Variants in MYBL2 observed in about 807,000 individuals in gnomAD.
MYBL2 encodes the protein myb-related protein B.
A neutral mutation model predicts 79.9 loss-of-function variants in MYBL2; 28 were observed. The ratio of observed to expected loss-of-function variants is 0.35; its 90% CI spans 0.26 to 0.48. The LOEUF (loss-of-function observed/expected upper bound fraction) is 0.48, where lower values mean the gene tolerates loss of function less well. MYBL2 is among the 20% of genes least tolerant of loss of function. The pLI is 0.99. For synonymous variants in MYBL2, 378 were observed against 361.2 expected (o/e 1.05, Z -0.53); for missense variants, 735 against 893.9 (o/e 0.82, Z 2.27).
intron 5 of MYBL2, among the ~76,000 whole-genome samples, chr20:43,687,849 C>T (rs1317386976): frequency 7.2e-5 from 11 of 151,820 alleles, no homozygotes. Flanking sequence ...AGCCTCATCT[C>T]TACTAAAAAT....
At chr20:43,709,934 AC>A (rs776885674) in intron 9 of MYBL2, 28 bp from the exon 10 acceptor site, 11 of 1,560,038 alleles carry the variant, frequency 7.1e-6, no homozygotes, top group Non-Finnish European at 9.6e-6. Context: ...CTATCCTGTC[AC>A]TAGTTCCCCC....
At position 43,683,550 on chromosome 20, in the gene MYBL2, C is replaced by CCTTTTTTTTTTTTTTTTTTT. The variant is rs764273305; in HGVS notation, c.279+664_279+665insCTTTTTTTTTTTTTTTTTTT. Among the ~76,000 whole-genome samples, 5 of 126,446 alleles carry CCTTTTTTTTTTTTTTTTTTT rather than the reference C, an allele frequency of 4.0e-5. 2 individuals are homozygous for CCTTTTTTTTTTTTTTTTTTT. Among genetic ancestry groups the CCTTTTTTTTTTTTTTTTTTT allele is most frequent in the Non-Finnish European group, 3.3e-5 (2 of 59,780 alleles). The allele number at this position is 126,446 out of a possible 152,430, so 83.0% of individuals were successfully genotyped here. The stretch of plus-strand genomic sequence containing the variant: ...AAAGAGGGAGATGAAGGGAACTAGG[C>CCTTTTTTTTTTTTTTTTTTT]ATTTTTTTTTTTTTTTTTTTTGAGA... On this transcript the variant is annotated intron_variant, in intron 4 of 13. Transcript: ENST00000217026.
At chr20:43,715,374 C>T in intron 13 of MYBL2, 91 bp downstream of exon 13, 1 of 1,573,136 alleles carries the variant, frequency 6.4e-7, no homozygotes, top group Non-Finnish European at 8.6e-7. Flanking sequence ...TCCTGCAGTG[C>T]CCGCCTTCTT....
chr20:43,685,030 C>G (rs182955655), intron 4 of MYBL2, among the ~76,000 whole-genome samples: 1 of 150,892 alleles, frequency 6.6e-6, no homozygotes, highest in East Asian at 2.0e-4. Context: ...ACCTGTAATC[C>G]CAGCTACTTG....
intron 6 of MYBL2, 63 bp from the exon 7 acceptor site, chr20:43,699,694 T>G (rs1483935176): frequency 2.0e-6 from 3 of 1,533,864 alleles, no homozygotes; most frequent in Non-Finnish European, 2.7e-6. Flanking sequence ...GTGGTTTAGC[T>G]GGAAACTACT....
chr20:43,699,635 T>C, intron 6 of MYBL2, 122 bp from the exon 7 acceptor site: 1 of 1,029,412 alleles, frequency 9.7e-7, no homozygotes, highest in South Asian at 1.7e-5. Flanking sequence ...TTCTGTAGAA[T>C]GTTTCTCTAT....
intron 2 of MYBL2, among the ~76,000 whole-genome samples, chr20:43,678,831 TG>T (rs201005339): frequency 0.029 from 3,683 of 125,224 alleles, 58 homozygotes; most frequent in Middle Eastern, 0.058. Flanking sequence ...CACTCCAGCC[TG>T]GACAACAAGA....
chr20:43,699,761 GTCT>G lies in MYBL2; in HGVS notation c.672_674del (p.Leu225del), dbSNP rs1407023073. Reference sequence around the variant, plus strand: ...GTGTATTCTTGTGTCTTACAGGGAAGTCTTCTGACCAACTGGCCCTCCGTCCCT... The same window carrying G: ...GTGTATTCTTGTGTCTTACAGGGAAGTCTGACCAACTGGCCCTCCGTCCCT... On this transcript the variant is annotated inframe_deletion, in exon 7 of 14. Transcript: ENST00000217026. 3.4e-5 allele frequency: 55 copies of G among 1,614,062 alleles called. No individual in the cohort carries two copies. Among genetic ancestry groups the G allele is most frequent in the Non-Finnish European group, 4.7e-5 (55 of 1,180,004 alleles).
intron 9 of MYBL2, among the ~76,000 whole-genome samples, chr20:43,706,030 C>G (rs1186099285): frequency 6.6e-6 from 1 of 151,948 alleles, no homozygotes; most frequent in Non-Finnish European, 1.5e-5. Context: ...GGTCTTGCTA[C>G]TTTATCTGGG....
intron 2 of MYBL2, among the ~76,000 whole-genome samples, chr20:43,676,228 AG>A (rs1987006278): frequency 6.6e-6 from 1 of 151,972 alleles, no homozygotes; most frequent in African/African-American, 2.4e-5. Context: ...CCCAATAGGT[AG>A]TTTTTTGATC....
Position 43,716,035 on chromosome 20 carries a change from TC to T in MYBL2, c.2053del (p.Leu685TrpfsTer4). On this transcript the variant is annotated frameshift_variant, in exon 14 of 14. Transcript: ENST00000217026. LOFTEE classifies it high-confidence loss of function. ...QLFMQEKARQ[L>X]LGRLKPSHTS... ...TTCATGCAGGAGAAAGCCCGGCAGC[TC>T]CTGGGCCGCCTGAAGCCCAGCCACA... 2 of 1,611,340 alleles carry T rather than the reference TC, an allele frequency of 1.2e-6. No individual in the cohort carries two copies. Among genetic ancestry groups the T allele is most frequent in the Non-Finnish European group, 1.7e-6 (2 of 1,179,862 alleles).
At chr20:43,680,029 T>C (rs1476828760) in intron 2 of MYBL2, among the ~76,000 whole-genome samples, 1 of 6,986 alleles carries the variant, frequency 1.4e-4, no homozygotes, top group Non-Finnish European at 8.3e-4. Context: ...GACTATTTTA[T>C]TTATTTATTT....
intron 11 of MYBL2, 26 bp downstream of exon 11, chr20:43,711,627 C>T (rs1415124811): frequency 3.1e-6 from 5 of 1,589,714 alleles, no homozygotes; most frequent in Non-Finnish European, 4.3e-6. Flanking sequence ...GTGGGAGAGC[C>T]TGGGCAGGGG....
rs374707386 is a variant in MYBL2, at chr20:43,677,611, C to T, written c.114+3712C>T. ...GGGAGAAATGGTTGACGGAGATGGC[C>T]GCCCGGCCACCCCTACTGGGAAGTG... On this transcript the variant is annotated intron_variant, in intron 2 of 13. Transcript: ENST00000217026. 6.6e-4 allele frequency among the ~76,000 whole-genome samples: 100 copies of T among 152,230 alleles called. 1 individual carries two copies. The highest frequency in any genetic ancestry group is 2.3e-3 in the African/African-American group (95 of 41,554).
chr20:43,673,874 G>A lies in MYBL2; in HGVS notation c.89G>A (p.Cys30Tyr). The A allele has an allele frequency of 1.3e-6, 2 of 1,553,700 alleles. No homozygotes were observed. Among genetic ancestry groups the A allele is most frequent in the Non-Finnish European group, 8.7e-7 (1 of 1,147,932 alleles). Residue 30 changes from cysteine to tyrosine, a missense_variant, in exon 2 of 14, where the codon TGC (cysteine) becomes TAC (tyrosine). This residue lies in a region of MYBL2 where 79 missense variants were observed against 86.7 expected (regional missense o/e 0.91). Transcript: ENST00000217026. ...GTGCCGGAGCAGAGGGATAGCAAGTGCAAGGTCAAATGGACCCATGAGGAG... is the reference window on the plus strand; with the variant it reads ...GTGCCGGAGCAGAGGGATAGCAAGTACAAGGTCAAATGGACCCATGAGGAG... ...SDVPEQRDSK[C>Y]KVKWTHEEDE...
intron 1 of MYBL2, among the ~76,000 whole-genome samples, chr20:43,670,174 C>T (rs1986824107): frequency 1.3e-5 from 2 of 152,218 alleles, no homozygotes; most frequent in African/African-American, 4.8e-5. Flanking sequence ...TCATTTCATC[C>T]TTGAAAGAAT....
At chr20:43,682,159 C>G (rs567758372) in intron 3 of MYBL2, among the ~76,000 whole-genome samples, 1 of 152,278 alleles carries the variant, frequency 6.6e-6, no homozygotes, top group South Asian at 2.1e-4. Context: ...AACAGGTGTT[C>G]GGTTTCTCAA....
rs746410706 is a variant in MYBL2, at chr20:43,702,495, T to C, written c.957T>C (p.Pro319=). Residue 319 remains proline, a synonymous_variant, in exon 8 of 14, where the codon CCT becomes CCC. Transcript: ENST00000217026. ...TAACCTCCCTCCCTGGACAGGACCC[T>C]GATGCTTGGTGTGACCTGAGTAAAT... ...SEALDLIESD[P]DAWCDLSKFD... 6 of 1,596,504 alleles carry C rather than the reference T, an allele frequency of 3.8e-6. No individual in the cohort carries two copies. Among genetic ancestry groups the C allele is most frequent in the Non-Finnish European group, 5.1e-6 (6 of 1,165,930 alleles).
intron 5 of MYBL2, among the ~76,000 whole-genome samples, chr20:43,689,798 C>G (rs1015595950): frequency 6.6e-6 from 1 of 152,204 alleles, no homozygotes. Flanking sequence ...ACAATAATGC[C>G]TGGCACACAG....
Sources: gnomAD v4.1 joint callset for allele counts (sites outside exome capture counted in the v4.1 genomes callset) on GRCh38, gnomAD v4.1.1 for gene constraint, gnomAD v4.1.1 regional missense constraint, MANE v1.5 for transcripts, NCBI Gene and HGNC (gene_info 2026-07-23, HGNC 2026-07-21) for gene names.